The following STAT1 variants were observed in gnomAD, a reference collection of about 807,000 sequenced individuals.
STAT1 encodes the protein signal transducer and activator of transcription 1-alpha/beta.
A neutral mutation model predicts 111.7 loss-of-function variants in STAT1; 24 were observed. That is an observed-to-expected ratio of 0.21 (90% CI 0.16 to 0.30). The LOEUF (loss-of-function observed/expected upper bound fraction) is 0.30, where lower values mean the gene tolerates loss of function less well. Among genes scored for constraint, STAT1 ranks in the 10% least tolerant of loss-of-function variants. The pLI, the probability that STAT1 is intolerant of heterozygous loss-of-function variation, is 1.00. For missense variants in STAT1, 351 were observed against 911.9 expected, an observed-to-expected ratio of 0.38 and a Z score of 7.92; for synonymous variants, 332 against 326.5, an observed-to-expected ratio of 1.02 and a Z score of -0.18.
In STAT1 at chr2:190,999,726, T is replaced by C. The variant is rs147367887; in HGVS notation, c.463-22A>G. 3 of 1,560,564 alleles carry C rather than the reference T, an allele frequency of 1.9e-6. No individual in the cohort carries two copies. Among genetic ancestry groups the C allele is most frequent in the African/African-American group, 1.4e-5 (1 of 73,812 alleles). On this transcript the variant is annotated intron_variant, in intron 6 of 24. Coordinates refer to ENST00000361099, the MANE Select transcript of STAT1 (RefSeq NM_007315.4). The surrounding 1 kb of genome is among the most constrained non-coding windows in gnomAD (Gnocchi z 4.1). ...TACACTACAAACAAAGATGTAAACA[T>C]GTTTTCTACTGATCAGCAACTTCCA...
chr2:191,006,533 T>TC lies in STAT1; in HGVS notation c.372+1029dup, dbSNP rs1339025228. ...CATCCTCCACCACACCTAAACTCCC[T>TC]CCCTCTCCACTGTCACACAGTTCAC... On this transcript the variant is annotated intron_variant, in intron 5 of 24. Transcript: ENST00000361099. The surrounding 1 kb of genome is among the most constrained non-coding windows in gnomAD (Gnocchi z 4.6). Among the ~76,000 whole-genome samples the TC allele has an allele frequency of 1.3e-5, 2 of 152,144 alleles. No individual in the cohort carries two copies. The highest frequency in any genetic ancestry group is 4.8e-5 in the African/African-American group (2 of 41,430).
rs911316159 is a variant in STAT1, at chr2:191,007,550, G to A, written c.372+13C>T. The A allele has an allele frequency of 1.8e-5, 28 of 1,587,536 alleles. No individual in the cohort carries two copies. Among genetic ancestry groups the A allele is most frequent in the Middle Eastern group, 1.7e-4 (1 of 6,030 alleles). The stretch of plus-strand genomic sequence containing the variant: ...TTTTATTACAGTTTATGTGTTCAAT[G>A]AGAAAAAAGTACCTGATTAAATCTC... On this transcript the variant is annotated intron_variant, in intron 5 of 24. Coordinates refer to ENST00000361099, the MANE Select transcript of STAT1 (RefSeq NM_007315.4). The surrounding 1 kb of genome is among the most constrained non-coding windows in gnomAD (Gnocchi z 4.2).
chr2:190,971,302 A>G lies in STAT1; in HGVS notation c.2239-585T>C, dbSNP rs1444359763. 2.0e-5 allele frequency among the ~76,000 whole-genome samples: 3 copies of G among 152,112 alleles called. No individual in the cohort carries two copies. The highest frequency in any genetic ancestry group is 4.4e-5 in the Non-Finnish European group (3 of 68,016). On this transcript the variant is annotated intron_variant, in intron 24 of 24. Transcript: ENST00000361099. The surrounding 1 kb of genome is among the most constrained non-coding windows in gnomAD (Gnocchi z 4.1). The stretch of plus-strand genomic sequence containing the variant: ...CAGTGACTTCCTGTCTGACTTCCAC[A>G]CTGGTCTTTCCCCTTAGACCAGATG...
rs1285139146 is a variant in STAT1, at chr2:190,975,196, G to A, written c.2136-264C>T. 1 of 486,250 alleles carries A rather than the reference G, an allele frequency of 2.1e-6. No homozygotes were observed. The highest frequency in any genetic ancestry group is 4.0e-6 in the Non-Finnish European group (1 of 248,650). The allele number at this position is 486,250 out of a possible 1,614,324, so 30.1% of individuals were successfully genotyped here. A position where few individuals can be genotyped will look rare whatever the true frequency, so the allele number is the denominator to read the frequency against. On this transcript the variant is annotated intron_variant, in intron 23 of 24. Transcript: ENST00000361099. This position sits in a 1 kb window ranked among gnomAD's most constrained non-coding sequence, Gnocchi z 5.9. ...ACTGGAATCTGTGCCGCTTCTGCCT[G>A]GGTAAGCCTAGGTGTGAGCATGTGC...
In STAT1 at chr2:190,982,323, TAG is replaced by T; in HGVS notation, c.1582+58_1582+59del. 1 of 1,592,150 alleles carries T rather than the reference TAG, an allele frequency of 6.3e-7. No homozygotes were observed. The highest frequency in any genetic ancestry group is 1.1e-5 in the South Asian group (1 of 90,216). ...AAATAGCAGAGGGGAAAAGAGCAAT[TAG>T]AGAGATATTTTTATGAATTTCAATT... On this transcript the variant is annotated intron_variant, in intron 18 of 24. Transcript: ENST00000361099. The surrounding 1 kb of genome is among the most constrained non-coding windows in gnomAD (Gnocchi z 7.3).
At position 190,997,355 on chromosome 2, in the gene STAT1, T is replaced by C. The variant is rs910794138; in HGVS notation, c.785+501A>G. Among the ~76,000 whole-genome samples the C allele has an allele frequency of 3.9e-5, 6 of 152,172 alleles. No homozygotes were observed. The highest frequency in any genetic ancestry group is 7.4e-5 in the Non-Finnish European group (5 of 68,020). On this transcript the variant is annotated intron_variant, in intron 9 of 24. Transcript: ENST00000361099. The surrounding 1 kb of genome is among the most constrained non-coding windows in gnomAD (Gnocchi z 7.3). ...TTACCACACGAATTATTACCATGTC[T>C]ACATCCCCCCCTCCACACTGAGAAC...
rs552998278 is a variant in STAT1, at chr2:190,987,155, A to C, written c.1098-87T>G. 2.0e-6 allele frequency: 2 copies of C among 995,218 alleles called. No individual in the cohort carries two copies. Among genetic ancestry groups the C allele is most frequent in the South Asian group, 2.7e-5 (2 of 72,878 alleles). 61.6% of individuals were successfully genotyped at this position (995,218 alleles called of 1,614,324 possible). A position where few individuals can be genotyped will look rare whatever the true frequency, so the allele number is the denominator to read the frequency against. ...AATTATAAGAGTATAAGAGCATAAG[A>C]GTGTAAGTGAATGATGAATAAAAAA... On this transcript the variant is annotated intron_variant, in intron 12 of 24. Coordinates refer to ENST00000361099, the MANE Select transcript of STAT1 (RefSeq NM_007315.4). This position sits in a 1 kb window ranked among gnomAD's most constrained non-coding sequence, Gnocchi z 4.0.
chr2:191,008,822 G>T (rs45571132), intron 4 of STAT1, 141 bp downstream of exon 4: 5 of 857,248 alleles, frequency 5.8e-6, no homozygotes, highest in Non-Finnish European at 8.9e-6. Context: ...TACTGATGCT[G>T]TAGAAAACAT....
Position 191,007,437 on chromosome 2 carries a change from C to T in STAT1, c.372+126G>A, listed in dbSNP as rs1694790942. ...TATAAAATCTCTAAATCTGATTCTC[C>T]CACTTCTTGGGGCTATAAAATTAGA... On this transcript the variant is annotated intron_variant, in intron 5 of 24. Transcript: ENST00000361099. The surrounding 1 kb of genome is among the most constrained non-coding windows in gnomAD (Gnocchi z 4.2). 1.4e-6 allele frequency: 1 copy of T among 719,126 alleles called. No homozygotes were observed. Among genetic ancestry groups the T allele is most frequent in the Admixed American group, 2.5e-5 (1 of 40,220 alleles). 44.5% of individuals were successfully genotyped at this position (719,126 alleles called of 1,614,324 possible).
At position 190,974,494 on chromosome 2, in the gene STAT1, G is replaced by A. The variant is rs992677558; in HGVS notation, c.2238+336C>T. 2.6e-5 allele frequency among the ~76,000 whole-genome samples: 4 copies of A among 152,126 alleles called. No individual in the cohort carries two copies. The highest frequency in any genetic ancestry group is 9.7e-5 in the African/African-American group (4 of 41,412). The stretch of plus-strand genomic sequence containing the variant: ...AGACACAGTGATGAAATCGCATTCC[G>A]AAGAAAAACATTTGCTTATCAAAGA... On this transcript the variant is annotated intron_variant, in intron 24 of 24. Coordinates refer to ENST00000361099, the MANE Select transcript of STAT1 (RefSeq NM_007315.4). This position sits in a 1 kb window ranked among gnomAD's most constrained non-coding sequence, Gnocchi z 4.8.
chr2:190,979,339 A>G lies in STAT1; in HGVS notation c.1728-338T>C, dbSNP rs1209376491. Among the ~76,000 whole-genome samples the G allele has an allele frequency of 6.6e-6, 1 of 152,212 alleles. No homozygotes were observed. The highest frequency in any genetic ancestry group is 1.5e-5 in the Non-Finnish European group (1 of 68,032). On this transcript the variant is annotated intron_variant, in intron 20 of 24. Transcript: ENST00000361099. This position sits in a 1 kb window ranked among gnomAD's most constrained non-coding sequence, Gnocchi z 5.8. ...GTATACATCTTTTTTACTGGAGAGG[A>G]AGACCTAGGCAATATATTTTCATAT...
At chr2:191,010,342 GTAC>G (rs1695027749) in intron 2 of STAT1, 1 of 474,222 alleles carries the variant, frequency 2.1e-6, no homozygotes, top group African/African-American at 2.0e-5. Context: ...TTTCTTCATA[GTAC>G]TTACACCACC....
At position 190,978,256 on chromosome 2, in the gene STAT1, C is replaced by T. The variant is rs139192199; in HGVS notation, c.1873+600G>A. Reference sequence around the variant, plus strand: ...TTGGTCTTTATGATTTTTTCATTTACGCTGTTGAGCTTCACCCTCAGAAAC... The same window carrying T: ...TTGGTCTTTATGATTTTTTCATTTATGCTGTTGAGCTTCACCCTCAGAAAC... On this transcript the variant is annotated intron_variant, in intron 21 of 24. Coordinates refer to ENST00000361099, the MANE Select transcript of STAT1 (RefSeq NM_007315.4). This position sits in a 1 kb window ranked among gnomAD's most constrained non-coding sequence, Gnocchi z 6.1. Among the ~76,000 whole-genome samples, 9 of 152,304 alleles carry T rather than the reference C, an allele frequency of 5.9e-5. No individual in the cohort carries two copies. In the East Asian group the frequency reaches 1.2e-3, roughly 20 times the overall value.
chr2:190,975,708 C>T lies in STAT1; in HGVS notation c.2135+104G>A, dbSNP rs45623541. The T allele has an allele frequency of 1.7e-3, 2,707 of 1,558,814 alleles. 2 individuals are homozygous for T. The highest frequency in any genetic ancestry group is 1.9e-3 in the Non-Finnish European group (2,232 of 1,152,348). ...ACAAGTTCAGCTGTGATGGCGATAG[C>T]AATTACAATGGAAAAGTAAAATACA... is the stretch of plus-strand genomic sequence containing the variant. On this transcript the variant is annotated intron_variant, in intron 23 of 24. Coordinates refer to ENST00000361099, the MANE Select transcript of STAT1 (RefSeq NM_007315.4). This position sits in a 1 kb window ranked among gnomAD's most constrained non-coding sequence, Gnocchi z 5.9.
At chr2:191,009,724 G>C in intron 3 of STAT1, 152 bp downstream of exon 3, 1 of 1,151,826 alleles carries the variant, frequency 8.7e-7, no homozygotes, top group Non-Finnish European at 1.3e-6. Flanking sequence ...ACTTTGTTGA[G>C]TCATTTTTTA....
In STAT1 at chr2:191,007,567, T is replaced by A; in HGVS notation, c.368A>T (p.Asn123Ile). ...RKILENAQRF[N>I]QAQSGNIQST... ...TGTTCAATGAGAAAAAAGTACCTGA[T>A]TAAATCTCTGGGCGTTTTCCAGAAT... The change falls in exon 5 of 25, where the codon AAT (asparagine) becomes ATT (isoleucine). Residue 123 changes from asparagine (N) to isoleucine (I), a missense_variant. Transcript: ENST00000361099. The surrounding 1 kb of genome is among the most constrained non-coding windows in gnomAD (Gnocchi z 4.2). 6.2e-7 allele frequency: 1 copy of A among 1,611,396 alleles called. No homozygotes were observed. The highest frequency in any genetic ancestry group is 8.5e-7 in the Non-Finnish European group (1 of 1,177,830).
rs35098579 is a variant in STAT1, at chr2:190,976,880, T to C, written c.2019A>G (p.Lys673=). The C allele has an allele frequency of 6.2e-4, 1,006 of 1,614,216 alleles. 6 individuals carry two copies. In the African/African-American group the frequency reaches 0.012, roughly 20 times the overall value. Residue 673 remains lysine, a synonymous_variant, in exon 22 of 25, where the codon AAA becomes AAG. Coordinates refer to ENST00000361099, the MANE Select transcript of STAT1 (RefSeq NM_007315.4). This position sits in a 1 kb window ranked among gnomAD's most constrained non-coding sequence, Gnocchi z 6.0. ...AGTAATACTTTCCAAAGGCATGGTCTTTGTCAATATTTGGATACAGATACT... is the reference window on the plus strand; with the variant it reads ...AGTAATACTTTCCAAAGGCATGGTCCTTGTCAATATTTGGATACAGATACT... ...PLKYLYPNID[K]DHAFGKYYSR...
At chr2:191,011,977 C>A (rs1695162807) in intron 2 of STAT1, among the ~76,000 whole-genome samples, 1 of 151,918 alleles carries the variant, frequency 6.6e-6, no homozygotes, top group African/African-American at 2.4e-5. Context: ...TCTCAAACAC[C>A]TGACCTCAGG....
Position 190,974,899 on chromosome 2 carries a change from C to A in STAT1, c.2169G>T (p.Leu723=), listed in dbSNP as rs772248853. 6.2e-7 allele frequency: 1 copy of A among 1,614,162 alleles called. No homozygotes were observed. Among genetic ancestry groups the A allele is most frequent in the East Asian group, 2.2e-5 (1 of 44,878 alleles). ...CAAACTCCTCAGGAGACATGGGGAG[C>A]AGGTTGTCTGTGGTCTGAAGTCTAG... ...HPSRLQTTDN[L]LPMSPEEFDE... The change falls in exon 24 of 25, where the codon CTG becomes CTT. Residue 723 remains leucine (L), a synonymous_variant. Transcript: ENST00000361099. The surrounding 1 kb of genome is among the most constrained non-coding windows in gnomAD (Gnocchi z 4.8).
Sources: gnomAD v4.1 joint callset for allele counts (sites outside exome capture counted in the v4.1 genomes callset) on GRCh38, gnomAD v4.1.1 for gene constraint, Gnocchi (gnomAD v3.1) non-coding constraint, MANE v1.5 for transcripts, NCBI Gene and HGNC (gene_info 2026-07-23, HGNC 2026-07-21) for gene names.